Variants in IRF8 observed in about 807,000 individuals in gnomAD.
The protein encoded by IRF8 is interferon regulatory factor 8, also known as interferon consensus sequence binding protein 1.
In IRF8, 14 loss-of-function variants were observed where a neutral mutation model predicts 48.7. That is an observed-to-expected ratio of 0.29 (90% CI 0.19 to 0.45). IRF8 has a LOEUF of 0.45. IRF8 is among the 20% of genes least tolerant of loss of function. The pLI is 1.00. For synonymous variants in IRF8, 278 were observed against 227.3 expected (o/e 1.22, Z -2.01); for missense variants, 493 against 580.7 (o/e 0.85, Z 1.55).
chr16:85,918,547 C>G lies in IRF8; in HGVS notation c.732C>G (p.Pro244=). 3.1e-6 allele frequency: 5 copies of G among 1,602,884 alleles called. No homozygotes were observed. The highest frequency in any genetic ancestry group is 4.2e-6 in the Non-Finnish European group (5 of 1,179,010). ...TGCCCGGCACCAAGCTGTATGGGCCCGAGGGCCTGGAGCTGGTGCGCTTCC... is the reference window on the plus strand; with the variant it reads ...TGCCCGGCACCAAGCTGTATGGGCCGGAGGGCCTGGAGCTGGTGCGCTTCC... ...PGLPGTKLYG[P]EGLELVRFPP... The change falls in exon 7 of 9, where the codon CCC becomes CCG. Residue 244 remains proline (P), a synonymous_variant. Coordinates refer to ENST00000268638, the MANE Select transcript of IRF8 (RefSeq NM_002163.4).
intron 8 of IRF8, among the ~76,000 whole-genome samples, chr16:85,920,619 C>T (rs1416525770): frequency 6.6e-6 from 1 of 152,168 alleles, no homozygotes; most frequent in Non-Finnish European, 1.5e-5. Flanking sequence ...GAAGAGGACA[C>T]AAGGACAAGT....
At chr16:85,903,842 G>A (rs1016708688) in intron 2 of IRF8, among the ~76,000 whole-genome samples, 1 of 152,168 alleles carries the variant, frequency 6.6e-6, no homozygotes, top group Non-Finnish European at 1.5e-5. Context: ...TTCTATAGAG[G>A]CACTGAGAGG....
Position 85,922,449 on chromosome 16 carries a change from G to A in IRF8, c.*1167G>A, listed in dbSNP as rs1384720241. 1 of 152,336 alleles carries A rather than the reference G, an allele frequency of 6.6e-6. No homozygotes were observed. The highest frequency in any genetic ancestry group is 1.5e-5 in the Non-Finnish European group (1 of 68,042). The allele number at this position is 152,336 out of a possible 1,614,324, so 9.4% of individuals were successfully genotyped here. Reference sequence around the variant, plus strand: ...TTTAAGAATGGCAGACCTGTTTGCTGAAGTGTTCATAAGATAACAATAGGC... The same window carrying A: ...TTTAAGAATGGCAGACCTGTTTGCTAAAGTGTTCATAAGATAACAATAGGC... On this transcript the variant is annotated 3_prime_UTR_variant, in exon 9 of 9. Transcript: ENST00000268638.
At position 85,918,450 on chromosome 16, in the gene IRF8, G is replaced by A; in HGVS notation, c.635G>A (p.Gly212Glu). ...FSQMVISFYY[G>E]GKLVGQATTT... ...CAGATGGTGATCAGCTTCTACTATGGGGGCAAGCTGGTGGGCCAGGCCACC... is the reference window on the plus strand; with the variant it reads ...CAGATGGTGATCAGCTTCTACTATGAGGGCAAGCTGGTGGGCCAGGCCACC... Residue 212 changes from glycine (G) to glutamate (E), a missense_variant, in exon 7 of 9, where the codon GGG becomes GAG. Physicochemically the swap from Gly to Glu is moderately conservative, Grantham distance 98. Transcript: ENST00000268638. 1 of 1,592,694 alleles carries A rather than the reference G, an allele frequency of 6.3e-7. No individual in the cohort carries two copies. Among genetic ancestry groups the A allele is most frequent in the Non-Finnish European group, 8.5e-7 (1 of 1,176,732 alleles).
rs1001542547 is a variant in IRF8 at position 85,921,386 on chromosome 16, G to C, written c.*104G>C. 14 of 1,270,412 alleles carry C rather than the reference G, an allele frequency of 1.1e-5. No homozygotes were observed. The Admixed American group carries it at 1.4e-4, about 12-fold the overall frequency. 78.7% of individuals were successfully genotyped at this position (1,270,412 alleles called of 1,614,324 possible). On this transcript the variant is annotated 3_prime_UTR_variant, in exon 9 of 9. Transcript: ENST00000268638. ...AATGTGGATCCCTCTGTCTGGGGTG[G>C]GATGCCTTACTTTGCACTTAATTTA...
At chr16:85,907,732 C>T (rs557121287) in intron 2 of IRF8, among the ~76,000 whole-genome samples, 35 of 152,204 alleles carry the variant, frequency 2.3e-4, no homozygotes, top group African/African-American at 6.5e-4. Context: ...AGACAGCTAC[C>T]GAGACCCAAC....
intron 2 of IRF8, among the ~76,000 whole-genome samples, chr16:85,907,194 G>A (rs1905031022): frequency 1.3e-5 from 2 of 152,208 alleles, no homozygotes; most frequent in Non-Finnish European, 2.9e-5. Flanking sequence ...CTTTACCCCA[G>A]GTAGAGGTGC....
chr16:85,910,736 C>T (rs1188365485), intron 3 of IRF8, among the ~76,000 whole-genome samples: 2 of 152,232 alleles, frequency 1.3e-5, no homozygotes, highest in Non-Finnish European at 2.9e-5. Flanking sequence ...CAGTGGTTTG[C>T]AGGCTCCATG....
intron 6 of IRF8, among the ~76,000 whole-genome samples, chr16:85,917,060 A>G (rs1008702627): frequency 6.6e-6 from 1 of 152,190 alleles, no homozygotes; most frequent in Non-Finnish European, 1.5e-5. Context: ...GTCAAATAAT[A>G]AGGCAGGGAG....
chr16:85,915,746 A>T (rs1044225912), intron 6 of IRF8, among the ~76,000 whole-genome samples: 16 of 152,096 alleles, frequency 1.1e-4, no homozygotes, highest in African/African-American at 3.9e-4. Context: ...GAGTCTGCTG[A>T]CCAGTGCTTT....
At chr16:85,917,628 C>T (rs1455682609) in intron 6 of IRF8, among the ~76,000 whole-genome samples, 1 of 152,192 alleles carries the variant, frequency 6.6e-6, no homozygotes, top group African/African-American at 2.4e-5. Flanking sequence ...TCTGACAATG[C>T]CCTGAATTTG....
rs1310418248 is a variant in IRF8, at chr16:85,918,663, G to C, written c.848G>C (p.Ser283Thr). The C allele has an allele frequency of 1.2e-6, 2 of 1,610,552 alleles. No individual in the cohort carries two copies. Among genetic ancestry groups the C allele is most frequent in the Non-Finnish European group, 1.7e-6 (2 of 1,179,768 alleles). ...HLERGVLLHSSRQGVFVKRLC... is the reference protein window; with the variant it reads ...HLERGVLLHSTRQGVFVKRLC... The stretch of plus-strand genomic sequence containing the variant: ...GAGCGCGGGGTGCTGCTGCACAGCA[G>C]CCGGCAGGGCGTGTTCGTCAAGCGG... The change falls in exon 7 of 9, where the codon AGC becomes ACC. Residue 283 changes from serine to threonine, a missense_variant. Physicochemically the swap from Ser to Thr is moderately conservative, Grantham distance 58. Coordinates refer to ENST00000268638, the MANE Select transcript of IRF8 (RefSeq NM_002163.4).
Position 85,920,134 on chromosome 16 carries a change from G to A in IRF8, c.1014G>A (p.Gln338=), listed in dbSNP as rs868748086. ...FRELQQFYNS[Q]GRLPDGRVVL... ...AGCTGCAGCAGTTCTATAACAGCCA[G>A]GGCCGGCTTCCTGACGGCAGGGTGG... is the stretch of plus-strand genomic sequence containing the variant. Residue 338 remains glutamine, a synonymous_variant, in exon 8 of 9, where the codon CAG becomes CAA. Coordinates refer to ENST00000268638, the MANE Select transcript of IRF8 (RefSeq NM_002163.4). 1 of 1,614,076 alleles carries A rather than the reference G, an allele frequency of 6.2e-7. No homozygotes were observed. Among genetic ancestry groups the A allele is most frequent in the Non-Finnish European group, 8.5e-7 (1 of 1,179,970 alleles).
In IRF8 at chr16:85,914,492, G is replaced by A. The variant is rs17444416; in HGVS notation, c.573G>A (p.Gly191=). 87,220 of 1,614,068 alleles carry A rather than the reference G, an allele frequency of 0.054. 2,591 individuals carry two copies. The highest frequency in any genetic ancestry group is 0.089 in the Middle Eastern group (537 of 6,062). ...QPSTGVPLVT[G]YTTYDAHHSA... Reference sequence around the variant, plus strand: ...CTGCAGGCGTGCCGCTGGTGACGGGGTACACCACCTACGACGCGCACCATT... The same window carrying A: ...CTGCAGGCGTGCCGCTGGTGACGGGATACACCACCTACGACGCGCACCATT... Residue 191 remains glycine (G), a synonymous_variant, in exon 6 of 9, where the codon GGG becomes GGA. Transcript: ENST00000268638.
chr16:85,921,669 G>T lies in IRF8; in HGVS notation c.*387G>T. 1 of 253,094 alleles carries T rather than the reference G, an allele frequency of 4.0e-6. No homozygotes were observed. The highest frequency in any genetic ancestry group is 4.7e-5 in the South Asian group (1 of 21,104). 15.7% of individuals were successfully genotyped at this position (253,094 alleles called of 1,614,324 possible). A position where few individuals can be genotyped will look rare whatever the true frequency, so the allele number is the denominator to read the frequency against. On this transcript the variant is annotated 3_prime_UTR_variant, in exon 9 of 9. Transcript: ENST00000268638. ...GAATTTGGAGTTTAAAAATCAACTT[G>T]TGAAAACAAGGTTGTTTTTGTCTTT... is the stretch of plus-strand genomic sequence containing the variant.
Position 85,915,600 on chromosome 16 carries a change from G to A in IRF8, c.601+1080G>A, listed in dbSNP as rs62052557. Among the ~76,000 whole-genome samples the A allele has an allele frequency of 7.6e-3, 1,157 of 152,340 alleles. 6 individuals carry two copies. The highest frequency in any genetic ancestry group is 0.011 in the Admixed American group (161 of 15,304). On this transcript the variant is annotated intron_variant, in intron 6 of 8. Transcript: ENST00000268638. ...AGGTTCAGGATCTCATCCAGGTCGC[G>A]CAGGCCTCTGGCTGGAGCCTGTTCT...
intron 2 of IRF8, among the ~76,000 whole-genome samples, chr16:85,908,611 C>T (rs949921540): frequency 1.3e-5 from 2 of 152,186 alleles, no homozygotes; most frequent in African/African-American, 2.4e-5. Context: ...TTGTTTTGAA[C>T]GCTCTGGTGA....
chr16:85,919,506 G>T (rs111838265), intron 7 of IRF8, among the ~76,000 whole-genome samples: 6,798 of 152,264 alleles, frequency 0.045, 438 homozygotes, highest in African/African-American at 0.15. Context: ...TGAGCTCAGG[G>T]GCATAAGCCC....
At chr16:85,904,067 A>G (rs960818520) in intron 2 of IRF8, among the ~76,000 whole-genome samples, 6 of 152,204 alleles carry the variant, frequency 3.9e-5, no homozygotes, top group African/African-American at 1.4e-4. Flanking sequence ...GGGTCATCAG[A>G]GTCCTGTGTG....
Sources: allele counts gnomAD v4.1 joint callset (sites outside exome capture counted in the v4.1 genomes callset), GRCh38; gene constraint gnomAD v4.1.1; transcripts MANE v1.5; gene names NCBI Gene and HGNC (gene_info 2026-07-23, HGNC 2026-07-21).